VAV3: variants seen among roughly 807,000 people sequenced by gnomAD.
VAV3 encodes vav guanine nucleotide exchange factor 3.
In VAV3, 94 loss-of-function variants were observed where a neutral mutation model predicts 131.2. The ratio of observed to expected loss-of-function variants is 0.72; its 90% CI spans 0.61 to 0.85. The LOEUF is 0.85. Among genes scored for constraint, VAV3 ranks in the 40% least tolerant of loss-of-function variants. VAV3 has a pLI of 0.00. For synonymous variants in VAV3, 349 were observed against 342.0 expected (o/e 1.02, Z -0.22); for missense variants, 939 against 1,002.7 (o/e 0.94, Z 0.86).
intron 20 of VAV3, among the ~76,000 whole-genome samples, chr1:107,635,628 A>T (rs1459212006): frequency 3.3e-5 from 5 of 152,306 alleles, no homozygotes; most frequent in African/African-American, 7.2e-5. Context: ...AATAAAATAA[A>T]TTTTTTAAAA....
intron 1 of VAV3, among the ~76,000 whole-genome samples, chr1:107,890,682 T>A (rs451046): frequency 0.74 from 112,519 of 152,178 alleles, 41,928 homozygotes; most frequent in African/African-American, 0.82. Context: ...CTTTGAGTCA[T>A]ATGTTCACAG....
At chr1:107,820,552 A>G (rs929742560) in intron 2 of VAV3, among the ~76,000 whole-genome samples, 1 of 152,196 alleles carries the variant, frequency 6.6e-6, no homozygotes, top group African/African-American at 2.4e-5. Flanking sequence ...ATTTGATAAC[A>G]CAACAGAGTG....
At chr1:107,672,641 C>T (rs1449245537) in intron 19 of VAV3, among the ~76,000 whole-genome samples, 2 of 151,884 alleles carry the variant, frequency 1.3e-5, no homozygotes, top group African/African-American at 4.8e-5. Context: ...TAAGATTGAT[C>T]TCTCTCACAC....
At chr1:107,948,807 C>T (rs1204075163) in intron 1 of VAV3, among the ~76,000 whole-genome samples, 1 of 151,998 alleles carries the variant, frequency 6.6e-6, no homozygotes, top group East Asian at 1.9e-4. Context: ...GATCATGCCA[C>T]TGCACTCCAG....
At chr1:107,673,549 T>TA (rs1657972820) in intron 19 of VAV3, 1 of 152,212 alleles carries the variant, frequency 6.6e-6, no homozygotes, top group South Asian at 2.1e-4. Context: ...CTCTTTTAAG[T>TA]ATACCCTCTG....
At chr1:107,677,757 T>C (rs990018283) in intron 19 of VAV3, 2 of 152,214 alleles carry the variant, frequency 1.3e-5, no homozygotes, top group East Asian at 1.9e-4. Context: ...AGTAGTCATA[T>C]TACTGATGTA....
intron 2 of VAV3, among the ~76,000 whole-genome samples, chr1:107,874,094 G>GT (rs1254819119): frequency 6.6e-6 from 1 of 152,246 alleles, no homozygotes; most frequent in East Asian, 1.9e-4. Flanking sequence ...AATAGCATTA[G>GT]TTTTTTCCTC....
chr1:107,896,749 T>C (rs942082963), intron 1 of VAV3, among the ~76,000 whole-genome samples: 2 of 152,134 alleles, frequency 1.3e-5, no homozygotes, highest in African/African-American at 4.8e-5. Flanking sequence ...ATTAAAAAAA[T>C]GGCTACAGGA....
rs777679456 is a variant in VAV3 at position 107,760,891 on chromosome 1, T to C, written c.922-12A>G. ...CTTTTGGAACATTCCTAATGAAATG[T>C]TTTAAAAACACTTTGTTAGGGAGTC... is the stretch of plus-strand genomic sequence containing the variant. On this transcript the variant is annotated splice_polypyrimidine_tract_variant and intron_variant, in intron 9 of 26. Transcript: ENST00000370056. 2 of 1,600,824 alleles carry C rather than the reference T, an allele frequency of 1.2e-6. No homozygotes were observed. Among genetic ancestry groups the C allele is most frequent in the Non-Finnish European group, 1.7e-6 (2 of 1,168,736 alleles).
intron 3 of VAV3, 69 bp downstream of exon 3, chr1:107,779,365 G>A: frequency 1.4e-6 from 2 of 1,397,322 alleles, no homozygotes; most frequent in Admixed American, 2.2e-5. Context: ...TTCACAAATA[G>A]TAACCATTTA....
intron 2 of VAV3, among the ~76,000 whole-genome samples, chr1:107,785,209 A>G (rs1281726045): frequency 6.6e-6 from 1 of 152,210 alleles, no homozygotes; most frequent in East Asian, 1.9e-4. Flanking sequence ...AAGTCATCTA[A>G]GCAGGAGCAG....
chr1:107,702,484 G>A (rs1660195050), intron 17 of VAV3, among the ~76,000 whole-genome samples: 1 of 152,068 alleles, frequency 6.6e-6, no homozygotes, highest in African/African-American at 2.4e-5. Flanking sequence ...GTGAAGCTAG[G>A]ATTCAAACAG....
At chr1:107,882,866 T>C (rs1031976693) in intron 1 of VAV3, among the ~76,000 whole-genome samples, 3 of 152,094 alleles carry the variant, frequency 2.0e-5, no homozygotes, top group Admixed American at 6.5e-5. Flanking sequence ...GACTGCACAA[T>C]ATGAAGCTTC....
intron 2 of VAV3, among the ~76,000 whole-genome samples, chr1:107,840,233 G>A (rs1290216368): frequency 6.6e-6 from 1 of 152,176 alleles, no homozygotes; most frequent in Non-Finnish European, 1.5e-5. Flanking sequence ...ATGTTACAGT[G>A]TTAGCAGTGT....
chr1:107,816,861 A>G (rs1246428577), intron 2 of VAV3, among the ~76,000 whole-genome samples: 1 of 152,220 alleles, frequency 6.6e-6, no homozygotes, highest in East Asian at 1.9e-4. Flanking sequence ...CCCAAATCAC[A>G]CAGAACACCA....
intron 19 of VAV3, among the ~76,000 whole-genome samples, chr1:107,681,405 A>G (rs1355091396): frequency 1.3e-5 from 2 of 152,188 alleles, no homozygotes; most frequent in Middle Eastern, 6.3e-3. Flanking sequence ...CACGCTGGTC[A>G]TCAAGCAAGG....
At chr1:107,617,008 T>C (rs1201989394) in intron 21 of VAV3, among the ~76,000 whole-genome samples, 1 of 152,340 alleles carries the variant, frequency 6.6e-6, no homozygotes, top group African/African-American at 2.4e-5. Flanking sequence ...TTAGGTTACA[T>C]TCACCTGTAA....
At chr1:107,811,346 G>A (rs1667307474) in intron 2 of VAV3, among the ~76,000 whole-genome samples, 1 of 152,126 alleles carries the variant, frequency 6.6e-6, no homozygotes, top group African/African-American at 2.4e-5. Context: ...GTAAGATACT[G>A]GGCATGACTG....
At chr1:107,583,542 AT>A (rs1650241213) in intron 25 of VAV3, among the ~76,000 whole-genome samples, 1 of 152,212 alleles carries the variant, frequency 6.6e-6, no homozygotes, top group South Asian at 2.1e-4. Context: ...CCTTAAGCTG[AT>A]AAGCAACTTC....
Sources: gnomAD v4.1 joint callset for allele counts (sites outside exome capture counted in the v4.1 genomes callset) on GRCh38, gnomAD v4.1.1 for gene constraint, MANE v1.5 for transcripts, NCBI Gene and HGNC (gene_info 2026-07-23, HGNC 2026-07-21) for gene names.